Variants in CADM2 observed in about 807,000 individuals in gnomAD.
The protein encoded by CADM2 is immunoglobulin superfamily member 4D.
Under a neutral mutation model 49.8 loss-of-function variants are expected in CADM2, and 12 were observed. That is an observed-to-expected ratio of 0.24 (90% CI 0.15 to 0.39). The LOEUF is 0.39. CADM2 is among the 10% of genes least tolerant of loss of function. CADM2 has a pLI of 1.00. For synonymous variants in CADM2, 214 were observed against 175.4 expected (o/e 1.22, Z -1.74); for missense variants, 378 against 492.3 (o/e 0.77, Z 2.20).
intron 1 of CADM2, among the ~76,000 whole-genome samples, chr3:85,165,336 C>G (rs2040440400): frequency 6.6e-6 from 1 of 151,780 alleles, no homozygotes; most frequent in Non-Finnish European, 1.5e-5. Context: ...AATATATTCA[C>G]AAATCTTTAA....
chr3:85,250,902 CCT>C (rs1353450696), intron 1 of CADM2, among the ~76,000 whole-genome samples: 1 of 151,602 alleles, frequency 6.6e-6, no homozygotes, highest in African/African-American at 2.4e-5. Flanking sequence ...AGAACAATTT[CCT>C]CTGTTACAAA....
intron 1 of CADM2, among the ~76,000 whole-genome samples, chr3:85,205,287 T>G (rs995846425): frequency 2.0e-5 from 3 of 152,204 alleles, no homozygotes; most frequent in Admixed American, 6.5e-5. Context: ...CCTCCCAAAG[T>G]GCTGGGATTC....
At chr3:85,958,892 C>T (rs1054376762) in intron 7 of CADM2, among the ~76,000 whole-genome samples, 2 of 151,694 alleles carry the variant, frequency 1.3e-5, no homozygotes, top group Non-Finnish European at 2.9e-5. Flanking sequence ...AAACTGGAGC[C>T]TGTTGCAGGG....
chr3:85,554,242 G>A (rs2061892099), intron 1 of CADM2, among the ~76,000 whole-genome samples: 1 of 152,148 alleles, frequency 6.6e-6, no homozygotes, highest in Non-Finnish European at 1.5e-5. Context: ...TAGGTGCCTT[G>A]CATATGCAGT....
chr3:85,152,538 G>A (rs1480966860), intron 1 of CADM2, among the ~76,000 whole-genome samples: 1 of 152,116 alleles, frequency 6.6e-6, no homozygotes, highest in Non-Finnish European at 1.5e-5. Flanking sequence ...AATATTGATT[G>A]TGGAGTTGGG....
At chr3:85,638,953 C>T (rs1478234462) in intron 1 of CADM2, among the ~76,000 whole-genome samples, 1 of 151,896 alleles carries the variant, frequency 6.6e-6, no homozygotes, top group Non-Finnish European at 1.5e-5. Flanking sequence ...AGAAAAGAGA[C>T]GAGTAAAGCA....
At chr3:85,495,613 T>C (rs2039854814) in intron 1 of CADM2, among the ~76,000 whole-genome samples, 3 of 152,004 alleles carry the variant, frequency 2.0e-5, no homozygotes, top group Non-Finnish European at 2.9e-5. Context: ...AAATACATGA[T>C]TATAGGCCAA....
chr3:85,055,244 G>A (rs2036036348), intron 1 of CADM2, among the ~76,000 whole-genome samples: 1 of 151,962 alleles, frequency 6.6e-6, no homozygotes, highest in Non-Finnish European at 1.5e-5. Flanking sequence ...TCAATGGACT[G>A]TTCATAGAAC....
intron 3 of CADM2, among the ~76,000 whole-genome samples, chr3:85,808,218 A>T: frequency 6.6e-6 from 1 of 152,244 alleles, no homozygotes; most frequent in East Asian, 1.9e-4. Context: ...AATAAGAATC[A>T]AGAGGAAAAT....
intron 2 of CADM2, among the ~76,000 whole-genome samples, chr3:85,772,934 A>G (rs2070169726): frequency 7.3e-6 from 1 of 136,404 alleles, no homozygotes; most frequent in African/African-American, 2.8e-5. Flanking sequence ...TTTTGATTCT[A>G]GCTAAAAATG....
At position 85,665,051 on chromosome 3, in the gene CADM2, T is replaced by C. The variant is rs530491591; in HGVS notation, c.62-61471T>C. Among the ~76,000 whole-genome samples the C allele has an allele frequency of 5.0e-4, 76 of 152,126 alleles. 1 individual carries two copies. The highest frequency in any genetic ancestry group is 3.4e-3 in the Middle Eastern group (1 of 294). On this transcript the variant is annotated intron_variant, in intron 1 of 9. Coordinates refer to ENST00000383699, the MANE Select transcript of CADM2 (RefSeq NM_001167675.2). ...AACTTTAAAAGTGCTTGGAACATAA[T>C]AGGGTTTCATTCAATACTTGTGAAT...
At chr3:85,099,902 G>A (rs1371942478) in intron 1 of CADM2, among the ~76,000 whole-genome samples, 1 of 152,182 alleles carries the variant, frequency 6.6e-6, no homozygotes, top group Admixed American at 6.5e-5. Context: ...GCAATAGTGA[G>A]TGTACATAAA....
chr3:85,393,952 GC>G (rs2034643381), intron 1 of CADM2, among the ~76,000 whole-genome samples: 2 of 151,882 alleles, frequency 1.3e-5, no homozygotes, highest in South Asian at 4.2e-4. Flanking sequence ...GACTACAGGC[GC>G]CCGTCACCAC....
At chr3:85,724,262 T>C (rs1684872415) in intron 1 of CADM2, among the ~76,000 whole-genome samples, 1 of 151,936 alleles carries the variant, frequency 6.6e-6, no homozygotes, top group Non-Finnish European at 1.5e-5. Flanking sequence ...AGTGATCTCT[T>C]ATTTTAGAAT....
chr3:85,513,642 TAAAG>T (rs1273937432), intron 1 of CADM2, among the ~76,000 whole-genome samples: 1 of 151,996 alleles, frequency 6.6e-6, no homozygotes. Context: ...TTCCTTTAAA[TAAAG>T]AGTAGAAAAA....
chr3:85,248,048 G>A (rs1304372796), intron 1 of CADM2, among the ~76,000 whole-genome samples: 1 of 151,984 alleles, frequency 6.6e-6, no homozygotes, highest in Non-Finnish European at 1.5e-5. Flanking sequence ...CAGATAGATT[G>A]TGCATCATAT....
intron 1 of CADM2, among the ~76,000 whole-genome samples, chr3:85,574,893 T>C (rs897787734): frequency 1.3e-5 from 2 of 152,180 alleles, no homozygotes; most frequent in African/African-American, 4.8e-5. Flanking sequence ...GGCACCTGGT[T>C]GTGACCTAGC....
intron 1 of CADM2, among the ~76,000 whole-genome samples, chr3:85,192,841 G>C (rs1478489432): frequency 1.3e-5 from 2 of 151,754 alleles, no homozygotes; most frequent in East Asian, 3.9e-4. Context: ...TATTTACAAG[G>C]GCCTTAAAAA....
At chr3:84,991,929 T>C (rs2032912934) in intron 1 of CADM2, among the ~76,000 whole-genome samples, 1 of 152,112 alleles carries the variant, frequency 6.6e-6, no homozygotes. Flanking sequence ...TCCAACTATA[T>C]GATATTCTGG....
Sources: gnomAD v4.1 joint callset for allele counts (sites outside exome capture counted in the v4.1 genomes callset) on GRCh38, gnomAD v4.1.1 for gene constraint, MANE v1.5 for transcripts, NCBI Gene and HGNC (gene_info 2026-07-23, HGNC 2026-07-21) for gene names.